SARDH: variants seen among roughly 807,000 people sequenced by gnomAD.
SARDH encodes the protein sarcosine dehydrogenase, also known as sarcosine dehydrogenase, mitochondrial.
Under a neutral mutation model 109.1 loss-of-function variants are expected in SARDH, and 95 were observed. The ratio of observed to expected loss-of-function variants is 0.87; its 90% CI spans 0.74 to 1.03. SARDH has a LOEUF of 1.03. Among genes scored for constraint, SARDH ranks in the 50% least tolerant of loss-of-function variants. SARDH has a pLI of 0.00. For synonymous variants in SARDH, 572 were observed against 534.8 expected, an observed-to-expected ratio of 1.07 and a Z score of -0.96; for missense variants, 1,267 against 1,287.8, an observed-to-expected ratio of 0.98 and a Z score of 0.25.
intron 15 of SARDH, 46 bp from the exon 16 acceptor site, chr9:133,690,573 G>C (rs759059153): frequency 1.3e-5 from 21 of 1,578,812 alleles, no homozygotes; most frequent in African/African-American, 4.0e-5. Flanking sequence ...CAGGGCCTGG[G>C]AGGTGGGGAC....
At chr9:133,711,890 C>G (rs190005371) in intron 10 of SARDH, among the ~76,000 whole-genome samples, 2 of 152,148 alleles carry the variant, frequency 1.3e-5, no homozygotes, top group African/African-American at 4.8e-5. Context: ...GAGAGGCCAC[C>G]GCCATGAGGA....
intron 4 of SARDH, among the ~76,000 whole-genome samples, chr9:133,730,528 TAAA>T (rs33917417): frequency 7.0e-6 from 1 of 142,688 alleles, no homozygotes; most frequent in Non-Finnish European, 1.5e-5. Flanking sequence ...TACTGCTTGG[TAAA>T]AAAAAAAAAA....
chr9:133,706,875 C>T (rs1242565780), intron 11 of SARDH, among the ~76,000 whole-genome samples: 1 of 152,040 alleles, frequency 6.6e-6, no homozygotes, highest in East Asian at 1.9e-4. Flanking sequence ...CCCGAGGCCC[C>T]AAGAAGGAGG....
chr9:133,696,180 C>T (rs1291761954), intron 14 of SARDH, 43 bp downstream of exon 14: 1 of 1,608,962 alleles, frequency 6.2e-7, no homozygotes. Flanking sequence ...AGGCTGTGCC[C>T]ATGGAGTGAC....
rs1831948450 is a variant in SARDH at position 133,712,233 on chromosome 9, G to A, written c.1328+386C>T. Among the ~76,000 whole-genome samples the A allele has an allele frequency of 6.6e-6, 1 of 152,268 alleles. No homozygotes were observed. The highest frequency in any genetic ancestry group is 3.4e-3 in the Middle Eastern group (1 of 294). On this transcript the variant is annotated intron_variant, in intron 10 of 20. Transcript: ENST00000439388. The surrounding 1 kb of genome is among the most constrained non-coding windows in gnomAD (Gnocchi z 4.1). Reference sequence around the variant, plus strand: ...CAGTGTACGATTGAACGGGACAGCCGGGGCTGCCTGGCTGCAAGCCGCGGC... The same window carrying A: ...CAGTGTACGATTGAACGGGACAGCCAGGGCTGCCTGGCTGCAAGCCGCGGC...
chr9:133,705,650 C>T (rs80269519), intron 11 of SARDH, among the ~76,000 whole-genome samples: 2,187 of 150,090 alleles, frequency 0.015, 62 homozygotes, highest in African/African-American at 0.049. Context: ...GCCCTGGCCC[C>T]GATAACCATC....
intron 1 of SARDH, among the ~76,000 whole-genome samples, chr9:133,737,304 C>CAGAG (rs1832917454): frequency 2.0e-5 from 3 of 152,200 alleles, no homozygotes; most frequent in Non-Finnish European, 4.4e-5. Flanking sequence ...ATTGCAGCGG[C>CAGAG]GTAGGGGAGT....
At chr9:133,668,202 T>C (rs888029859) in intron 19 of SARDH, among the ~76,000 whole-genome samples, 1 of 151,396 alleles carries the variant, frequency 6.6e-6, no homozygotes, top group African/African-American at 2.4e-5. Flanking sequence ...GGACAGGCTG[T>C]CACACAAGAG....
At chr9:133,736,390 GTTGT>G (rs1554763807) in intron 1 of SARDH, among the ~76,000 whole-genome samples, 10 of 150,390 alleles carry the variant, frequency 6.6e-5, no homozygotes, top group South Asian at 2.1e-4. Context: ...TGTTGTTGTT[GTTGT>G]TTGTTTGTTT....
intron 16 of SARDH, among the ~76,000 whole-genome samples, chr9:133,689,159 C>T (rs1169253370): frequency 2.6e-5 from 4 of 151,266 alleles, no homozygotes; most frequent in African/African-American, 7.2e-5. Flanking sequence ...CGGCGACCTT[C>T]AGGCTGGAGA....
chr9:133,670,166 T>C (rs1265212539), intron 19 of SARDH, among the ~76,000 whole-genome samples: 1 of 151,980 alleles, frequency 6.6e-6, no homozygotes, highest in Non-Finnish European at 1.5e-5. Context: ...CCATCTCTAC[T>C]AAAAGTACAA....
rs184069808 is a variant in SARDH, at chr9:133,698,109, A to G, written c.1669-1748T>C. ...GGTCAATATATAAAAACACACAAAA[A>G]ACTATTGTATTTCTATATTAGCAAT... On this transcript the variant is annotated intron_variant, in intron 13 of 20. Transcript: ENST00000439388. Among the ~76,000 whole-genome samples the G allele has an allele frequency of 3.4e-3, 511 of 152,132 alleles. 2 individuals carry two copies. Among genetic ancestry groups the G allele is most frequent in the African/African-American group, 0.012 (487 of 41,542 alleles).
intron 3 of SARDH, among the ~76,000 whole-genome samples, 187 bp from the exon 4 acceptor site, chr9:133,731,671 G>A (rs962990391): frequency 6.6e-6 from 1 of 152,198 alleles, no homozygotes; most frequent in Non-Finnish European, 1.5e-5. Context: ...GCAGGGCACT[G>A]AGGCAGGCTC....
At chr9:133,734,376 TTCAC>T (rs1317575037) in intron 1 of SARDH, among the ~76,000 whole-genome samples, 173 bp from the exon 2 acceptor site, 1 of 150,604 alleles carries the variant, frequency 6.6e-6, no homozygotes, top group African/African-American at 2.5e-5. Context: ...CATTCATTCA[TTCAC>T]TCATTCATTC....
In SARDH at chr9:133,704,884, G is replaced by A. The variant is rs1003693829; in HGVS notation, c.1554+64C>T. 1.5e-5 allele frequency: 21 copies of A among 1,429,060 alleles called. No homozygotes were observed. Among genetic ancestry groups the A allele is most frequent in the Admixed American group, 9.9e-5 (5 of 50,468 alleles). 88.5% of individuals were successfully genotyped at this position (1,429,060 alleles called of 1,614,324 possible). On this transcript the variant is annotated intron_variant, in intron 12 of 20. Transcript: ENST00000439388. The surrounding 1 kb of genome is among the most constrained non-coding windows in gnomAD (Gnocchi z 4.5). ...ACGGAGGGGCAAGGACGGGGCACGTGGAGGGGCAAGGGGGTTGTCAGGGCA... is the reference window on the plus strand; with the variant it reads ...ACGGAGGGGCAAGGACGGGGCACGTAGAGGGGCAAGGGGGTTGTCAGGGCA...
chr9:133,685,843 C>A (rs533482825), intron 16 of SARDH, among the ~76,000 whole-genome samples: 2 of 152,308 alleles, frequency 1.3e-5, no homozygotes, highest in African/African-American at 4.8e-5. Context: ...TCCCAGCCCA[C>A]TGCAGAAAGT....
Position 133,712,943 on chromosome 9 carries a change from G to T in SARDH, c.1237+95C>A. 7.9e-7 allele frequency: 1 copy of T among 1,268,608 alleles called. No homozygotes were observed. Among genetic ancestry groups the T allele is most frequent in the Non-Finnish European group, 1.1e-6 (1 of 899,756 alleles). The allele number at this position is 1,268,608 out of a possible 1,614,324, so 78.6% of individuals were successfully genotyped here. A position where few individuals can be genotyped will look rare whatever the true frequency, so the allele number is the denominator to read the frequency against. ...AGCCTCTCCTGTCCCCACCACTGTC[G>T]GGGGCCACGGTGCTCCTGCGCCCGC... On this transcript the variant is annotated intron_variant, in intron 9 of 20. Transcript: ENST00000439388. This position sits in a 1 kb window ranked among gnomAD's most constrained non-coding sequence, Gnocchi z 4.1.
chr9:133,667,194 GT>G (rs59643474), intron 19 of SARDH: 13,627 of 317,350 alleles, frequency 0.043, 22 homozygotes, highest in South Asian at 0.058. Flanking sequence ...TTCAACTCTG[GT>G]TTTTTTTTTT....
At chr9:133,676,579 A>C (rs1326013980) in intron 17 of SARDH, among the ~76,000 whole-genome samples, 2 of 152,214 alleles carry the variant, frequency 1.3e-5, no homozygotes, top group Non-Finnish European at 2.9e-5. Flanking sequence ...ACAGGAACAG[A>C]GGTGCCAGGG....
Sources: gnomAD v4.1 joint callset for allele counts (sites outside exome capture counted in the v4.1 genomes callset) on GRCh38, gnomAD v4.1.1 for gene constraint, Gnocchi (gnomAD v3.1) non-coding constraint, MANE v1.5 for transcripts, NCBI Gene and HGNC (gene_info 2026-07-23, HGNC 2026-07-21) for gene names.